MOK: variants seen among roughly 807,000 people sequenced by gnomAD.
The protein encoded by MOK is MOK protein kinase, also known as MAPK/MAK/MRK overlapping kinase.
In MOK, 59 loss-of-function variants were observed where a neutral mutation model predicts 54.2. That is an observed-to-expected ratio of 1.09 (90% CI 0.88 to 1.35). MOK has a LOEUF of 1.35. MOK is among the 40% of genes most tolerant of loss of function. The pLI, the probability that MOK is intolerant of heterozygous loss-of-function variation, is 0.00. For synonymous variants in MOK, 210 were observed against 202.7 expected, an observed-to-expected ratio of 1.04 and a Z score of -0.31; for missense variants, 517 against 526.2, an observed-to-expected ratio of 0.98 and a Z score of 0.17.
At chr14:102,266,266 A>G (rs1382304581) in intron 2 of MOK, among the ~76,000 whole-genome samples, 4 of 152,198 alleles carry the variant, frequency 2.6e-5, no homozygotes, top group African/African-American at 2.4e-5. Context: ...ACACTATCTG[A>G]AAATGAGCAT....
rs745880134 is a variant in MOK at position 102,230,803 on chromosome 14, C to G, written c.981+904G>C. 1 of 152,314 alleles carries G rather than the reference C, an allele frequency of 6.6e-6. No individual in the cohort carries two copies. Among genetic ancestry groups the G allele is most frequent in the Non-Finnish European group, 1.5e-5 (1 of 68,160 alleles). 9.4% of individuals were successfully genotyped at this position (152,314 alleles called of 1,614,324 possible). A position where few individuals can be genotyped will look rare whatever the true frequency, so the allele number is the denominator to read the frequency against. On this transcript the variant is annotated intron_variant, in intron 10 of 11. Coordinates refer to ENST00000361847, the MANE Select transcript of MOK (RefSeq NM_014226.3). The surrounding 1 kb of genome is among the most constrained non-coding windows in gnomAD (Gnocchi z 4.1). ...GCCTGGGCAGTTGACGGAGTTGCCT[C>G]CCTCGGAGGGAAGGCCATGGGAAGC...
rs2064545405 is a variant in MOK, at chr14:102,230,192, C to T, written c.982-535G>A. The T allele has an allele frequency of 6.4e-6, 1 of 156,788 alleles. No homozygotes were observed. The allele number at this position is 156,788 out of a possible 1,614,324, so 9.7% of individuals were successfully genotyped here. A position where few individuals can be genotyped will look rare whatever the true frequency, so the allele number is the denominator to read the frequency against. On this transcript the variant is annotated intron_variant, in intron 10 of 11. Transcript: ENST00000361847. The surrounding 1 kb of genome is among the most constrained non-coding windows in gnomAD (Gnocchi z 4.1). ...CCAAGTAGCTGGGACCAAAGGCACG[C>T]ACCACACCCAGCTAATTTTTAAAAC...
Position 102,232,308 on chromosome 14 carries a change from CCCTCTTT to C in MOK, c.866+220_866+226del. 2.1e-6 allele frequency: 1 copy of C among 475,042 alleles called. No homozygotes were observed. Among genetic ancestry groups the C allele is most frequent in the South Asian group, 5.1e-5 (1 of 19,800 alleles). 29.4% of individuals were successfully genotyped at this position (475,042 alleles called of 1,614,324 possible). A position where few individuals can be genotyped will look rare whatever the true frequency, so the allele number is the denominator to read the frequency against. ...ATCAACCGCAAAGTGGACAGCCAGC[CCCTCTTT>C]CTCCTGCCGTGGAGCTGCTAACATC... On this transcript the variant is annotated intron_variant, in intron 9 of 11. Coordinates refer to ENST00000361847, the MANE Select transcript of MOK (RefSeq NM_014226.3). This position sits in a 1 kb window ranked among gnomAD's most constrained non-coding sequence, Gnocchi z 5.1.
rs1215486792 is a variant in MOK at position 102,229,572 on chromosome 14, C to G, written c.1067G>C (p.Gly356Ala). ...VMELPKLKLS[G>A]VVRLSSYSSP... ...GGAGTAAGACGACAGTCTGACCACT[C>G]CCGAAAGCTTTAGTTTGGGCAGTTC... Residue 356 changes from glycine to alanine, a missense_variant, in exon 11 of 12, where the codon GGA becomes GCA. Gly to Ala is a moderately conservative substitution (Grantham distance 60, BLOSUM62 0). Coordinates refer to ENST00000361847, the MANE Select transcript of MOK (RefSeq NM_014226.3). 4.3e-6 allele frequency: 7 copies of G among 1,614,070 alleles called. No individual in the cohort carries two copies. The highest frequency in any genetic ancestry group is 5.9e-6 in the Non-Finnish European group (7 of 1,180,048).
intron 1 of MOK, among the ~76,000 whole-genome samples, chr14:102,293,284 T>C (rs1231755206): frequency 1.3e-5 from 2 of 152,222 alleles, no homozygotes; most frequent in African/African-American, 4.8e-5. Flanking sequence ...AAATATTATG[T>C]AACCATTGAT....
chr14:102,287,960 G>A (rs913850840), intron 1 of MOK, among the ~76,000 whole-genome samples: 4 of 150,646 alleles, frequency 2.7e-5, no homozygotes, highest in African/African-American at 9.8e-5. Flanking sequence ...TCAGCCTCCC[G>A]AGTAGCTGGG....
intron 1 of MOK, 98 bp from the exon 2 acceptor site, chr14:102,283,690 C>A: frequency 1.5e-6 from 1 of 668,782 alleles, no homozygotes. Context: ...ATAATTTAAA[C>A]AGCAATATAC....
intron 1 of MOK, among the ~76,000 whole-genome samples, chr14:102,299,481 C>T (rs1175435912): frequency 6.6e-6 from 1 of 151,836 alleles, no homozygotes; most frequent in Admixed American, 6.6e-5. Flanking sequence ...TACCACTGCA[C>T]TCCAGCCTGG....
In MOK at chr14:102,304,979, G is replaced by C; in HGVS notation, c.-11C>G. On this transcript the variant is annotated 5_prime_UTR_variant, in exon 1 of 12. Coordinates refer to ENST00000361847, the MANE Select transcript of MOK (RefSeq NM_014226.3). ...CCACTCACTCTTCATCTTGGATGCG[G>C]AAGCCGGTGACAACCCCTTGCCGAC... is the stretch of plus-strand genomic sequence containing the variant. The C allele has an allele frequency of 6.2e-7, 1 of 1,610,362 alleles. No individual in the cohort carries two copies. Among genetic ancestry groups the C allele is most frequent in the South Asian group, 1.1e-5 (1 of 90,144 alleles).
chr14:102,302,720 A>G (rs1420095007), intron 1 of MOK, among the ~76,000 whole-genome samples: 2 of 151,858 alleles, frequency 1.3e-5, no homozygotes, highest in Non-Finnish European at 2.9e-5. Context: ...CAGGCAGCAT[A>G]TGTACATATT....
Position 102,231,591 on chromosome 14 carries a change from A to G in MOK, c.981+116T>C, listed in dbSNP as rs2064713039. 1.2e-6 allele frequency: 1 copy of G among 837,500 alleles called. No individual in the cohort carries two copies. Among genetic ancestry groups the G allele is most frequent in the Non-Finnish European group, 2.0e-6 (1 of 509,360 alleles). The allele number at this position is 837,500 out of a possible 1,614,324, so 51.9% of individuals were successfully genotyped here. A position where few individuals can be genotyped will look rare whatever the true frequency, so the allele number is the denominator to read the frequency against. On this transcript the variant is annotated intron_variant, in intron 10 of 11. Coordinates refer to ENST00000361847, the MANE Select transcript of MOK (RefSeq NM_014226.3). This position sits in a 1 kb window ranked among gnomAD's most constrained non-coding sequence, Gnocchi z 4.4. ...GCATGCTGTTCAGGCCTCGACTGAC[A>G]ATGTGGTCTGCCACAGCCTCCACAG...
the MOK span, among the ~76,000 whole-genome samples, chr14:102,216,487 C>T: frequency 6.6e-6 from 1 of 152,294 alleles, no homozygotes; most frequent in East Asian, 1.9e-4. Flanking sequence ...TCTGTAGGTA[C>T]AGGGTCTTGC....
downstream of MOK, among the ~76,000 whole-genome samples, chr14:102,224,010 A>G (rs910324791): frequency 1.1e-4 from 17 of 151,638 alleles, no homozygotes; most frequent in African/African-American, 4.1e-4. Context: ...TGGGACATGA[A>G]CTAGCTAATC....
At chr14:102,256,921 C>T (rs182126790) in intron 4 of MOK, among the ~76,000 whole-genome samples, 13 of 152,148 alleles carry the variant, frequency 8.5e-5, no homozygotes, top group Admixed American at 7.2e-4. Context: ...GGATCGCTGG[C>T]GGGTAGCCAT....
intron 4 of MOK, among the ~76,000 whole-genome samples, chr14:102,254,895 G>A (rs1009296338): frequency 3.9e-5 from 6 of 152,142 alleles, no homozygotes; most frequent in Admixed American, 1.3e-4. Flanking sequence ...TTCCAGGAAC[G>A]CCCTTCCCAG....
intron 10 of MOK, chr14:102,229,895 C>T: frequency 3.7e-6 from 2 of 535,794 alleles, no homozygotes; most frequent in Non-Finnish European, 6.6e-6. Context: ...GCAAGCTGAG[C>T]AGTGCGGGCG....
intron 2 of MOK, chr14:102,278,628 G>C: frequency 4.4e-6 from 2 of 454,266 alleles, no homozygotes; most frequent in South Asian, 3.1e-5. Flanking sequence ...TCAGCTCCAC[G>C]ACGTGTAGGT....
chr14:102,292,202 G>A (rs1053407890), intron 1 of MOK, among the ~76,000 whole-genome samples: 4 of 152,106 alleles, frequency 2.6e-5, no homozygotes, highest in South Asian at 2.1e-4. Context: ...GGCCGGGTGC[G>A]GTGGCTCATG....
At chr14:102,241,883 C>T (rs2153098604) in intron 7 of MOK, among the ~76,000 whole-genome samples, 1 of 152,348 alleles carries the variant, frequency 6.6e-6, no homozygotes, top group Non-Finnish European at 1.5e-5. Flanking sequence ...CCAGAACTGC[C>T]TCCCCAAGGA....
Sources: allele counts gnomAD v4.1 joint callset (sites outside exome capture counted in the v4.1 genomes callset), GRCh38; gene constraint gnomAD v4.1.1; non-coding constraint Gnocchi (gnomAD v3.1); transcripts MANE v1.5; gene names NCBI Gene and HGNC (gene_info 2026-07-23, HGNC 2026-07-21).